OR3A2: variants seen among roughly 807,000 people sequenced by gnomAD.
OR3A2 encodes the protein olfactory receptor family 3 subfamily A member 2.
For synonymous variants in OR3A2, 126 were observed against 159.3 expected (o/e 0.79, Z 1.57); for missense variants, 318 against 392.8 (o/e 0.81, Z 1.61).
intron 3 of OR3A2, among the ~76,000 whole-genome samples, chr17:3,315,218 G>A (rs981846671): frequency 1.3e-5 from 2 of 152,156 alleles, no homozygotes; most frequent in Admixed American, 1.3e-4. Context: ...TGGGACTGCT[G>A]GGTCAAATAA....
chr17:3,283,630 A>G (rs976906755), intron 1 of OR3A2, among the ~76,000 whole-genome samples: 1 of 152,216 alleles, frequency 6.6e-6, no homozygotes, highest in Admixed American at 6.5e-5. Context: ...GGAATTTGTC[A>G]TGGCTTAGTG....
At chr17:3,385,947 CA>C (rs1235163815) in intron 1 of OR3A2, 177 bp downstream of exon 1, 6 of 398,560 alleles carry the variant, frequency 1.5e-5, no homozygotes, top group Admixed American at 4.4e-5. Context: ...CGACCAACCT[CA>C]CATCTGCCCC....
intron 2 of OR3A2, among the ~76,000 whole-genome samples, chr17:3,372,151 G>A (rs1161153457): frequency 1.3e-4 from 20 of 150,880 alleles, no homozygotes; most frequent in Admixed American, 2.0e-4. Context: ...AGACAGGGTC[G>A]CGGCCGGGTA....
intron 3 of OR3A2, among the ~76,000 whole-genome samples, chr17:3,315,083 A>T (rs969995925): frequency 6.6e-6 from 1 of 152,196 alleles, no homozygotes; most frequent in Admixed American, 6.6e-5. Context: ...TATCCAGCTC[A>T]CCACTGATGG....
At position 3,311,284 on chromosome 17, in the gene OR3A2, T is replaced by G. The variant is rs1489395241; in HGVS notation, c.-85+24749A>C. 1 of 535,126 alleles carries G rather than the reference T, an allele frequency of 1.9e-6. No homozygotes were observed. Among genetic ancestry groups the G allele is most frequent in the Non-Finnish European group, 3.8e-6 (1 of 260,432 alleles). 33.1% of individuals were successfully genotyped at this position (535,126 alleles called of 1,614,324 possible). A position where few individuals can be genotyped will look rare whatever the true frequency, so the allele number is the denominator to read the frequency against. ...CCAGTGCAGAGTTCCCTATGCTGCC[T>G]GCAGTTCACAGCTCTTCTTTCCCCA... On this transcript the variant is annotated intron_variant, in intron 3 of 4. Coordinates refer to the OR3A2 transcript ENST00000573491. The surrounding 1 kb of genome is among the most constrained non-coding windows in gnomAD (Gnocchi z 4.6).
chr17:3,341,182 C>A (rs2049314911), intron 2 of OR3A2, among the ~76,000 whole-genome samples: 1 of 152,174 alleles, frequency 6.6e-6, no homozygotes, highest in Non-Finnish European at 1.5e-5. Context: ...GATGGGTCAC[C>A]TGAATACAGC....
At chr17:3,365,182 C>T (rs2049552195) in intron 2 of OR3A2, among the ~76,000 whole-genome samples, 1 of 152,250 alleles carries the variant, frequency 6.6e-6, no homozygotes, top group Middle Eastern at 3.4e-3. Flanking sequence ...ATTCACTCTA[C>T]AAAAATTCAT....
At chr17:3,342,558 C>T (rs901978539) in intron 2 of OR3A2, among the ~76,000 whole-genome samples, 2 of 152,230 alleles carry the variant, frequency 1.3e-5, no homozygotes, top group South Asian at 4.1e-4. Context: ...CGGAAGTCCA[C>T]TCCAGACCGT....
At chr17:3,282,368 T>A (rs944155710) in intron 1 of OR3A2, among the ~76,000 whole-genome samples, 1 of 152,126 alleles carries the variant, frequency 6.6e-6, no homozygotes, top group African/African-American at 2.4e-5. Flanking sequence ...ATCGCGCCAC[T>A]GCACTCCGGC....
chr17:3,337,140 T>C (rs1429628530), intron 2 of OR3A2, among the ~76,000 whole-genome samples: 2 of 152,232 alleles, frequency 1.3e-5, no homozygotes, highest in Non-Finnish European at 2.9e-5. Flanking sequence ...CCTTCATTTT[T>C]TATTTTAGTA....
chr17:3,292,039 A>C (rs2048875744), intron 3 of OR3A2: 4 of 1,614,232 alleles, frequency 2.5e-6, no homozygotes, highest in Non-Finnish European at 3.4e-6. Context: ...GGGAGGTCAC[A>C]GTAGAAGTGA....
chr17:3,314,866 A>G (rs1181431173), intron 3 of OR3A2, among the ~76,000 whole-genome samples: 8 of 152,044 alleles, frequency 5.3e-5, no homozygotes, highest in African/African-American at 1.4e-4. Context: ...TTAGTAGTTC[A>G]CAGTGTCTCT....
chr17:3,380,742 G>T (rs777250580), intron 2 of OR3A2, among the ~76,000 whole-genome samples: 2 of 152,158 alleles, frequency 1.3e-5, no homozygotes, highest in Non-Finnish European at 1.5e-5. Flanking sequence ...AATCTGGGCT[G>T]GCCAAGGAGA....
At chr17:3,348,096 G>A (rs896784568) in intron 2 of OR3A2, among the ~76,000 whole-genome samples, 4 of 151,962 alleles carry the variant, frequency 2.6e-5, no homozygotes, top group Non-Finnish European at 5.9e-5. Flanking sequence ...GGGGTTGTTT[G>A]TTTTTTTCTT....
chr17:3,352,839 G>T (rs1049139091), intron 2 of OR3A2, among the ~76,000 whole-genome samples: 2 of 151,942 alleles, frequency 1.3e-5, no homozygotes, highest in Non-Finnish European at 2.9e-5. Flanking sequence ...ACTTTGGGTA[G>T]TATGGGCATT....
intron 3 of OR3A2, among the ~76,000 whole-genome samples, chr17:3,320,665 G>T (rs942382823): frequency 2.6e-5 from 4 of 151,740 alleles, no homozygotes; most frequent in Non-Finnish European, 5.9e-5. Context: ...GTTTTCTCAG[G>T]TTTGTCAAAG....
intron 1 of OR3A2, among the ~76,000 whole-genome samples, chr17:3,280,402 G>A (rs908859751): frequency 1.3e-5 from 2 of 151,772 alleles, no homozygotes; most frequent in Admixed American, 1.3e-4. Flanking sequence ...CTCCTGAATA[G>A]CTGGGACTAC....
intron 2 of OR3A2, among the ~76,000 whole-genome samples, chr17:3,338,166 C>T (rs923309372): frequency 2.6e-5 from 4 of 152,072 alleles, no homozygotes; most frequent in African/African-American, 7.2e-5. Context: ...AGATTCTGGA[C>T]ATTAGCCCTT....
Position 3,331,357 on chromosome 17 carries a change from C to T in OR3A2, c.-85+4676G>A, listed in dbSNP as rs902360733. ...CCCATCACTTTCAGGTACACCAATC[C>T]GACGTAGATTTGGTCTTTTCACATA... On this transcript the variant is annotated intron_variant, in intron 3 of 4. Transcript: ENST00000573491. Among the ~76,000 whole-genome samples the T allele has an allele frequency of 1.8e-4, 28 of 152,192 alleles. 1 individual carries two copies. Among genetic ancestry groups the T allele is most frequent in the African/African-American group, 6.0e-4 (25 of 41,514 alleles).
Sources: allele counts gnomAD v4.1 joint callset (sites outside exome capture counted in the v4.1 genomes callset), GRCh38; gene constraint gnomAD v4.1.1; non-coding constraint Gnocchi (gnomAD v3.1); transcripts MANE v1.5; gene names NCBI Gene and HGNC (gene_info 2026-07-23, HGNC 2026-07-21).